STK32C: variants seen among roughly 807,000 people sequenced by gnomAD.
The protein encoded by STK32C is serine/threonine-protein kinase 32C.
Under a neutral mutation model 56.5 loss-of-function variants are expected in STK32C, and 31 were observed. That is an observed-to-expected ratio of 0.55 (90% CI 0.41 to 0.74). The LOEUF is 0.74. Ranked by LOEUF, STK32C falls within the 30% of genes least tolerant of loss-of-function variation. The pLI, the probability that STK32C is intolerant of heterozygous loss-of-function variation, is 0.00. For synonymous variants in STK32C, 309 were observed against 289.4 expected (o/e 1.07, Z -0.69); for missense variants, 544 against 676.9 (o/e 0.80, Z 2.18).
At chr10:132,291,454 C>A (rs1316502246) in intron 1 of STK32C, among the ~76,000 whole-genome samples, 8 of 152,152 alleles carry the variant, frequency 5.3e-5, no homozygotes, top group Non-Finnish European at 1.5e-5. Flanking sequence ...AGAAAGAAGT[C>A]CATGGTCAAG....
chr10:132,295,547 A>G (rs2065714148), intron 1 of STK32C, among the ~76,000 whole-genome samples: 1 of 152,212 alleles, frequency 6.6e-6, no homozygotes, highest in African/African-American at 2.4e-5. Context: ...AGTGATATCA[A>G]TGACGGGGTA....
At chr10:132,308,297 A>C (rs1367675579), upstream of STK32C, among the ~76,000 whole-genome samples, 1 of 152,022 alleles carries the variant, frequency 6.6e-6, no homozygotes, top group Non-Finnish European at 1.5e-5. Context: ...GGGGCCCCGG[A>C]GGTCGGCGTC....
chr10:132,329,218 C>T (rs1360374776), intron 1 of STK32C, among the ~76,000 whole-genome samples: 1 of 152,180 alleles, frequency 6.6e-6, no homozygotes, highest in African/African-American at 2.4e-5. Flanking sequence ...AGTTCGAGAC[C>T]AGCCTGGGCA....
upstream of STK32C, chr10:132,331,954 G>A: frequency 1.9e-6 from 1 of 514,226 alleles, no homozygotes; most frequent in East Asian, 3.7e-5. Flanking sequence ...CCCCAGCGCA[G>A]GCGCACCACA....
intron 2 of STK32C, among the ~76,000 whole-genome samples, chr10:132,235,201 T>A (rs773506172): frequency 6.6e-6 from 1 of 152,044 alleles, no homozygotes; most frequent in Admixed American, 6.5e-5. Flanking sequence ...TAAACAGATA[T>A]GTTAAAAGAA....
intron 1 of STK32C, among the ~76,000 whole-genome samples, chr10:132,258,948 A>G (rs2064216009): frequency 6.6e-6 from 1 of 152,244 alleles, no homozygotes; most frequent in Non-Finnish European, 1.5e-5. Context: ...TAGAAATGCT[A>G]ATGGCAAATG....
intron 10 of STK32C, among the ~76,000 whole-genome samples, chr10:132,218,541 G>A (rs1341179524): frequency 6.6e-6 from 1 of 152,006 alleles, no homozygotes; most frequent in Non-Finnish European, 1.5e-5. Context: ...AAATAAACCA[G>A]ACAATAACAG....
intron 3 of STK32C, among the ~76,000 whole-genome samples, chr10:132,227,197 G>C (rs920961485): frequency 1.3e-5 from 2 of 152,284 alleles, no homozygotes; most frequent in African/African-American, 4.8e-5. Flanking sequence ...AGGTGGCCCA[G>C]CTGGGGCCAG....
chr10:132,232,968 C>G (rs1296379297), intron 2 of STK32C, among the ~76,000 whole-genome samples: 1 of 152,186 alleles, frequency 6.6e-6, no homozygotes, highest in Non-Finnish European at 1.5e-5. Context: ...AATTTTTGTT[C>G]CCCAGAAGCA....
intron 1 of STK32C, among the ~76,000 whole-genome samples, chr10:132,251,789 A>G (rs375271081): frequency 2.4e-4 from 32 of 135,928 alleles, no homozygotes; most frequent in East Asian, 2.2e-4. Flanking sequence ...CAGGCAGGTC[A>G]ATGCCCTACG....
At chr10:132,275,388 C>T (rs536954304) in intron 1 of STK32C, among the ~76,000 whole-genome samples, 17 of 152,296 alleles carry the variant, frequency 1.1e-4, no homozygotes, top group African/African-American at 3.9e-4. Flanking sequence ...GATGAATCTG[C>T]CCCACCTGCC....
intron 1 of STK32C, among the ~76,000 whole-genome samples, chr10:132,259,224 TC>T (rs753534211): frequency 9.2e-5 from 14 of 152,192 alleles, no homozygotes; most frequent in Non-Finnish European, 1.8e-4. Context: ...TGCAGGACCC[TC>T]CTTCCATCCA....
chr10:132,297,796 G>A (rs1433211208), intron 1 of STK32C, among the ~76,000 whole-genome samples: 3 of 152,174 alleles, frequency 2.0e-5, no homozygotes, highest in Non-Finnish European at 4.4e-5. Context: ...CCCGCCCCGC[G>A]GCCAGCAGCA....
intron 1 of STK32C, among the ~76,000 whole-genome samples, chr10:132,269,897 A>C (rs1299469969): frequency 6.6e-6 from 1 of 152,138 alleles, no homozygotes; most frequent in Non-Finnish European, 1.5e-5. Flanking sequence ...ACACCCACCC[A>C]ATGGTGGCCT....
At chr10:132,222,246 G>A (rs1242428062) in intron 10 of STK32C, among the ~76,000 whole-genome samples, 21 of 116,052 alleles carry the variant, frequency 1.8e-4, no homozygotes, top group Non-Finnish European at 2.8e-4. Context: ...AACTGATGCC[G>A]ACGCACCTGG....
chr10:132,228,917 G>T (rs2062995726), intron 2 of STK32C, among the ~76,000 whole-genome samples: 1 of 152,234 alleles, frequency 6.6e-6, no homozygotes, highest in South Asian at 2.1e-4. Context: ...ACCCCCTCCG[G>T]GGCGCCAGTC....
intron 1 of STK32C, among the ~76,000 whole-genome samples, chr10:132,260,765 C>T (rs778399607): frequency 6.6e-6 from 1 of 152,246 alleles, no homozygotes; most frequent in Non-Finnish European, 1.5e-5. Context: ...CCCATCACCA[C>T]CTGGAGGGGC....
chr10:132,241,880 G>T (rs886100543), intron 2 of STK32C, among the ~76,000 whole-genome samples: 2 of 152,310 alleles, frequency 1.3e-5, no homozygotes, highest in African/African-American at 4.8e-5. Flanking sequence ...GCTGAGGTGG[G>T]CAGATCTCTT....
chr10:132,220,290 C>T (rs899761491), intron 10 of STK32C, among the ~76,000 whole-genome samples: 5 of 152,246 alleles, frequency 3.3e-5, no homozygotes, highest in Non-Finnish European at 5.9e-5. Flanking sequence ...TAGGCCAAGG[C>T]AGCCTCTACC....
Sources: allele counts gnomAD v4.1 joint callset (sites outside exome capture counted in the v4.1 genomes callset), GRCh38; gene constraint gnomAD v4.1.1; transcripts MANE v1.5; gene names NCBI Gene and HGNC (gene_info 2026-07-23, HGNC 2026-07-21).